GADL1: variants seen among roughly 807,000 people sequenced by gnomAD.
GADL1 encodes the protein GAD like acidic amino acid decarboxylase 1, also known as acidic amino acid decarboxylase GADL1.
A neutral mutation model predicts 69.5 loss-of-function variants in GADL1; 71 were observed. The observed-to-expected ratio is 1.02, with a 90% confidence interval of 0.84 to 1.25. The LOEUF is 1.25. Among genes scored for constraint, GADL1 ranks in the 50% most tolerant of loss-of-function variants. GADL1 has a pLI of 0.00. For missense variants in GADL1, 737 were observed against 631.8 expected, an observed-to-expected ratio of 1.17 and a Z score of -1.79; for synonymous variants, 254 against 214.4, an observed-to-expected ratio of 1.18 and a Z score of -1.62.
chr3:30,880,869 A>C (rs1351064987), intron 1 of GADL1, among the ~76,000 whole-genome samples: 2 of 151,892 alleles, frequency 1.3e-5, no homozygotes, highest in Non-Finnish European at 1.5e-5. Context: ...TATAAATTAG[A>C]CCTCAAGAAA....
chr3:30,784,140 T>A (rs563176587), intron 13 of GADL1, among the ~76,000 whole-genome samples: 1 of 152,278 alleles, frequency 6.6e-6, no homozygotes, highest in East Asian at 1.9e-4. Flanking sequence ...ACTATAGACA[T>A]TTTCTTACAT....
intron 1 of GADL1, among the ~76,000 whole-genome samples, chr3:30,882,745 T>A (rs1432793407): frequency 6.6e-6 from 1 of 152,016 alleles, no homozygotes; most frequent in African/African-American, 2.4e-5. Context: ...TAATGCTATT[T>A]TACATAGCAG....
intron 1 of GADL1, among the ~76,000 whole-genome samples, chr3:30,876,721 A>C (rs1452084288): frequency 6.6e-6 from 1 of 151,928 alleles, no homozygotes; most frequent in Non-Finnish European, 1.5e-5. Context: ...TGAAGATCTA[A>C]AAAATAAATA....
chr3:30,845,672 T>C (rs1352091900), intron 6 of GADL1, among the ~76,000 whole-genome samples: 1 of 152,198 alleles, frequency 6.6e-6, no homozygotes, highest in Non-Finnish European at 1.5e-5. Flanking sequence ...TTTCAGGTTG[T>C]TAAAAGACCA....
intron 1 of GADL1, among the ~76,000 whole-genome samples, chr3:30,884,175 A>G (rs1412104611): frequency 2.0e-5 from 3 of 152,022 alleles, no homozygotes; most frequent in Non-Finnish European, 4.4e-5. Context: ...TAACTTGAAA[A>G]GCAACAGCCA....
At chr3:30,817,691 A>G (rs1697498791) in intron 11 of GADL1, among the ~76,000 whole-genome samples, 1 of 152,204 alleles carries the variant, frequency 6.6e-6, no homozygotes, top group South Asian at 2.1e-4. Flanking sequence ...GAAATGGCAC[A>G]AAGATTCTGA....
At chr3:30,844,487 G>A (rs765783341) in intron 6 of GADL1, 21 bp from the exon 7 acceptor site, 9 of 1,483,434 alleles carry the variant, frequency 6.1e-6, no homozygotes, top group Non-Finnish European at 8.5e-6. Flanking sequence ...AGGGACAGTG[G>A]GGAAGGGGGA....
chr3:30,826,110 A>G (rs748223345), intron 11 of GADL1, among the ~76,000 whole-genome samples: 132 of 151,798 alleles, frequency 8.7e-4, no homozygotes, highest in Non-Finnish European at 1.8e-3. Flanking sequence ...TATTCCTTTA[A>G]TCTTATGTCT....
At chr3:30,870,433 G>C (rs1425004049) in intron 1 of GADL1, among the ~76,000 whole-genome samples, 1 of 151,802 alleles carries the variant, frequency 6.6e-6, no homozygotes, top group African/African-American at 2.4e-5. Flanking sequence ...GCCCAAGTGT[G>C]AGGGCAAGGG....
chr3:30,813,843 C>G (rs1697407205), intron 11 of GADL1, among the ~76,000 whole-genome samples: 1 of 152,200 alleles, frequency 6.6e-6, no homozygotes, highest in South Asian at 2.1e-4. Flanking sequence ...TTAAGAAGTA[C>G]TTGGCAGAAT....
chr3:30,835,546 A>C (rs1371396007), intron 9 of GADL1, among the ~76,000 whole-genome samples: 1 of 152,084 alleles, frequency 6.6e-6, no homozygotes, highest in Non-Finnish European at 1.5e-5. Context: ...ACTTAAAAAC[A>C]ACTTTCATTG....
intron 1 of GADL1, among the ~76,000 whole-genome samples, chr3:30,890,668 T>C (rs1404411060): frequency 6.6e-6 from 1 of 152,172 alleles, no homozygotes; most frequent in Non-Finnish European, 1.5e-5. Flanking sequence ...ACCAAATGTA[T>C]AGAGTGTGGG....
intron 14 of GADL1, among the ~76,000 whole-genome samples, chr3:30,777,755 T>C (rs962123471): frequency 2.0e-5 from 3 of 152,190 alleles, no homozygotes; most frequent in Non-Finnish European, 4.4e-5. Flanking sequence ...GTGTAAGACA[T>C]AGGGCCTTTG....
chr3:30,736,147 A>G (rs911427071), intron 14 of GADL1, among the ~76,000 whole-genome samples: 1 of 152,046 alleles, frequency 6.6e-6, no homozygotes, highest in Non-Finnish European at 1.5e-5. Context: ...TCAAATATCT[A>G]GTTTGCTCAG....
intron 14 of GADL1, among the ~76,000 whole-genome samples, chr3:30,752,006 C>CGA (rs10634412): frequency 0.18 from 27,296 of 152,036 alleles, 3,567 homozygotes; most frequent in African/African-American, 0.35. Flanking sequence ...TAAGATAGGA[C>CGA]GATTCTGAAA....
At chr3:30,797,571 G>T (rs1430232238) in intron 12 of GADL1, 1 of 152,080 alleles carries the variant, frequency 6.6e-6, no homozygotes, top group Non-Finnish European at 1.5e-5. Flanking sequence ...TAAGAAACTT[G>T]CCCCAGTCAC....
chr3:30,819,962 A>T (rs979609162), intron 11 of GADL1, among the ~76,000 whole-genome samples: 1 of 152,046 alleles, frequency 6.6e-6, no homozygotes, highest in African/African-American at 2.4e-5. Context: ...GAGTTTTATA[A>T]TTAAATTTCC....
chr3:30,835,405 G>GCTGCA (rs1445751403), intron 9 of GADL1, among the ~76,000 whole-genome samples: 1 of 152,012 alleles, frequency 6.6e-6, no homozygotes, highest in Non-Finnish European at 1.5e-5. Context: ...GGCATGGTTG[G>GCTGCA]CTGCACCACA....
At chr3:30,758,731 A>AT (rs1340699149) in intron 14 of GADL1, among the ~76,000 whole-genome samples, 2 of 152,240 alleles carry the variant, frequency 1.3e-5, no homozygotes, top group Non-Finnish European at 2.9e-5. Context: ...AGAGGACTCC[A>AT]TTGTATTTCC....
Sources: gnomAD v4.1 joint callset for allele counts (sites outside exome capture counted in the v4.1 genomes callset) on GRCh38, gnomAD v4.1.1 for gene constraint, MANE v1.5 for transcripts, NCBI Gene and HGNC (gene_info 2026-07-23, HGNC 2026-07-21) for gene names.